Variants in FBXO34 observed in about 807,000 individuals in gnomAD.
FBXO34 encodes F-box protein 34.
Under a neutral mutation model 24.5 loss-of-function variants are expected in FBXO34, and 12 were observed. The observed-to-expected ratio is 0.49, with a 90% CI of 0.31 to 0.79. The LOEUF (loss-of-function observed/expected upper bound fraction) is 0.79. Ranked by LOEUF, FBXO34 falls within the 30% of genes least tolerant of loss-of-function variation. The pLI, the probability that FBXO34 is intolerant of heterozygous loss-of-function variation, is 0.04. For missense variants in FBXO34, 823 were observed against 857.7 expected (o/e 0.96, Z 0.51); for synonymous variants, 320 against 311.9 (o/e 1.03, Z -0.27).
chr14:55,298,576 G>A, intron 1 of FBXO34: 1 of 744,244 alleles, frequency 1.3e-6, no homozygotes. Flanking sequence ...ATTTGGCAGG[G>A]TGGAGGCGGA....
chr14:55,308,217 C>A (rs962471383), intron 1 of FBXO34, among the ~76,000 whole-genome samples: 3 of 152,178 alleles, frequency 2.0e-5, no homozygotes, highest in Admixed American at 1.3e-4. Context: ...TTATTACAGG[C>A]ACATATCTGA....
At chr14:55,404,545 G>T in the FBXO34 span, among the ~76,000 whole-genome samples, 72 of 152,236 alleles carry the variant, frequency 4.7e-4, no homozygotes, top group Admixed American at 4.7e-3. Flanking sequence ...GTCTTTTGGT[G>T]TTCAAAAGAG....
intron 1 of FBXO34, among the ~76,000 whole-genome samples, chr14:55,290,966 C>T (rs1259072478): frequency 6.6e-6 from 1 of 152,066 alleles, no homozygotes; most frequent in East Asian, 1.9e-4. Flanking sequence ...ATTACAGGCA[C>T]CTGCCACCAT....
intron 1 of FBXO34, among the ~76,000 whole-genome samples, chr14:55,286,708 T>G (rs1881772673): frequency 6.6e-6 from 1 of 152,166 alleles, no homozygotes. Context: ...TGATTTTGTT[T>G]GTAACCCTAC....
rs1884418901 is a variant in FBXO34, at chr14:55,352,360, C to T, written c.1970C>T (p.Ala657Val). The change falls in exon 2 of 2, where the codon GCA becomes GTA. Residue 657 changes from alanine to valine, a missense_variant. By Grantham distance (64) the Ala-to-Val change is moderately conservative. This residue lies in a region of FBXO34 where 130 missense variants were observed against 198.6 expected (regional missense o/e 0.65). Transcript: ENST00000313833. ...CRWHPKPYCQ[A>V]LPYGPGYWMC... ...TGGCACCCCAAGCCCTATTGCCAGGCATTGCCCTATGGGCCAGGGTATTGG... is the reference window on the plus strand; with the variant it reads ...TGGCACCCCAAGCCCTATTGCCAGGTATTGCCCTATGGGCCAGGGTATTGG... The T allele has an allele frequency of 4.3e-6, 7 of 1,614,108 alleles. No homozygotes were observed. The highest frequency in any genetic ancestry group is 5.9e-6 in the Non-Finnish European group (7 of 1,180,042).
chr14:55,306,387 C>G (rs955156550), intron 1 of FBXO34, among the ~76,000 whole-genome samples: 9 of 152,180 alleles, frequency 5.9e-5, no homozygotes, highest in African/African-American at 2.2e-4. Flanking sequence ...TTTAGAGTTG[C>G]AATGCTTATA....
At position 55,349,439 on chromosome 14, in the gene FBXO34, T is replaced by C. The variant is rs371810114; in HGVS notation, c.-10-942T>C. On this transcript the variant is annotated intron_variant, in intron 1 of 1. Coordinates refer to ENST00000313833, the MANE Select transcript of FBXO34 (RefSeq NM_017943.4). ...ATTAATAAGGACTGTAGGGTCTATA[T>C]TTAAGATGGTTACAGGAAATTCGAC... is the stretch of plus-strand genomic sequence containing the variant. 3.2e-4 allele frequency among the ~76,000 whole-genome samples: 49 copies of C among 152,212 alleles called. 1 individual carries two copies. The highest frequency in any genetic ancestry group is 1.2e-3 in the African/African-American group (49 of 41,538).
intron 1 of FBXO34, among the ~76,000 whole-genome samples, chr14:55,336,756 C>G (rs1883789806): frequency 6.6e-6 from 1 of 151,056 alleles, no homozygotes; most frequent in African/African-American, 2.4e-5. Flanking sequence ...AAAAGTATTT[C>G]AGGATGTATC....
chr14:55,421,060 CAAAAAAA>C, the FBXO34 span, among the ~76,000 whole-genome samples: 108 of 107,566 alleles, frequency 1.0e-3, 1 homozygote, highest in African/African-American at 3.7e-3. Flanking sequence ...GAATCTGTCT[CAAAAAAA>C]AAAAAAAAAA....
At chr14:55,367,762 C>T (rs1594773497) in exon 3 of FBXO34, 1 of 151,824 alleles carries the variant, frequency 6.6e-6, no homozygotes, top group Non-Finnish European at 1.5e-5. Context: ...AAAAAGACCA[C>T]CCACAACGAG....
At chr14:55,375,490 ATTTTTTTTTTTTTT>A in the FBXO34 span, among the ~76,000 whole-genome samples, 2,868 of 117,902 alleles carry the variant, frequency 0.024, 100 homozygotes, top group African/African-American at 0.092. Flanking sequence ...GCCGGGCTAA[ATTTTTTTTTTTTTT>A]TTTTTTTTTT....
At chr14:55,302,453 G>GTTTTTTTTTTT (rs796083398) in intron 1 of FBXO34, among the ~76,000 whole-genome samples, 1 of 133,462 alleles carries the variant, frequency 7.5e-6, no homozygotes, top group African/African-American at 2.8e-5. Context: ...CCTCTTTTTT[G>GTTTTTTTTTTT]TTTTTTTTTT....
the FBXO34 span, chr14:55,380,532 G>C: frequency 7.7e-7 from 1 of 1,291,648 alleles, no homozygotes; most frequent in Non-Finnish European, 1.1e-6. Context: ...AAACTTGAAA[G>C]AGCCATGATA....
At chr14:55,411,897 C>A in the FBXO34 span, 1 of 1,357,734 alleles carries the variant, frequency 7.4e-7, no homozygotes, top group Non-Finnish European at 1.0e-6. Context: ...GAGGAGGGGC[C>A]TGGGGAAGGG....
At chr14:55,366,935 A>G (rs1050546854) in intron 2 of FBXO34, 1 of 152,658 alleles carries the variant, frequency 6.6e-6, no homozygotes, top group African/African-American at 2.4e-5. Flanking sequence ...CCAGTGCAAA[A>G]TAATGAAACC....
the FBXO34 span, among the ~76,000 whole-genome samples, chr14:55,435,155 G>A: frequency 6.6e-6 from 1 of 152,158 alleles, no homozygotes; most frequent in Admixed American, 6.5e-5. Context: ...AGCCTTCTCA[G>A]ATAAGAGGAA....
At chr14:55,430,326 C>T in the FBXO34 span, among the ~76,000 whole-genome samples, 7 of 150,312 alleles carry the variant, frequency 4.7e-5, no homozygotes, top group East Asian at 1.4e-3. Context: ...TTCACCAACA[C>T]TGCCCCCTCT....
chr14:55,375,962 T>A, the FBXO34 span, among the ~76,000 whole-genome samples: 5 of 152,220 alleles, frequency 3.3e-5, no homozygotes, highest in African/African-American at 1.2e-4. Context: ...TGCTAGTAAT[T>A]TTCCCCCCTA....
In FBXO34 at chr14:55,351,738, A is replaced by G; in HGVS notation, c.1348A>G (p.Arg450Gly). 1 of 1,614,238 alleles carries G rather than the reference A, an allele frequency of 6.2e-7. No individual in the cohort carries two copies. The highest frequency in any genetic ancestry group is 8.5e-7 in the Non-Finnish European group (1 of 1,180,050). ...VSLTSRNPDQ[R>G]KESLCISITV... ...CCTTACTAGCCGAAATCCTGATCAA[A>G]GAAAAGAATCTTTGTGCATTAGTAT... Residue 450 changes from arginine (R) to glycine (G), a missense_variant, in exon 2 of 2, where the codon AGA (arginine) becomes GGA (glycine). Coordinates refer to ENST00000313833, the MANE Select transcript of FBXO34 (RefSeq NM_017943.4).
Sources: gnomAD v4.1 joint callset for allele counts (sites outside exome capture counted in the v4.1 genomes callset) on GRCh38, gnomAD v4.1.1 for gene constraint, gnomAD v4.1.1 regional missense constraint, MANE v1.5 for transcripts, NCBI Gene and HGNC (gene_info 2026-07-23, HGNC 2026-07-21) for gene names.